The following HELB variants were observed in gnomAD, a reference collection of about 807,000 sequenced individuals.
HELB encodes the protein DNA helicase B.
HELB carries 96 observed loss-of-function variants against 101.7 expected under a neutral mutation model. That is an observed-to-expected ratio of 0.94 (90% CI 0.80 to 1.12). The LOEUF (loss-of-function observed/expected upper bound fraction) is 1.12, where lower values mean the gene tolerates loss of function less well. Among genes scored for constraint, HELB ranks in the 50% most tolerant of loss-of-function variants. The pLI is 0.00. For synonymous variants in HELB, 437 were observed against 459.7 expected (o/e 0.95, Z 0.63); for missense variants, 1,210 against 1,291.9 (o/e 0.94, Z 0.97).
intron 12 of HELB, among the ~76,000 whole-genome samples, chr12:66,335,088 G>T (rs2053852359): frequency 6.6e-6 from 1 of 152,210 alleles, no homozygotes; most frequent in South Asian, 2.1e-4. Context: ...GGAAAGATGT[G>T]AGGAGAACTC....
In HELB at chr12:66,318,733, T is replaced by C; in HGVS notation, c.2096T>C (p.Phe699Ser). 2 of 1,611,638 alleles carry C rather than the reference T, an allele frequency of 1.2e-6. No individual in the cohort carries two copies. Among genetic ancestry groups the C allele is most frequent in the African/African-American group, 1.3e-5 (1 of 74,930 alleles). ...PISIQDKTFI[F>S]VRLPEEDASS... ...TCAATTCAAGATAAGACATTTATTT[T>C]TGTCAGGCTCCCAGAAGAGGATGCC... Residue 699 changes from phenylalanine to serine, a missense_variant, in exon 7 of 13, where the codon TTT (phenylalanine) becomes TCT (serine). Coordinates refer to ENST00000247815, the MANE Select transcript of HELB (RefSeq NM_001370285.1).
At chr12:66,340,601 T>G (rs1481956521), downstream of HELB, 2 of 57,018 alleles carry the variant, frequency 3.5e-5, no homozygotes, top group African/African-American at 8.0e-5. Context: ...TAATAGGATA[T>G]ATATATGTGG....
intron 11 of HELB, among the ~76,000 whole-genome samples, chr12:66,330,705 C>G (rs2053795626): frequency 1.4e-5 from 2 of 147,756 alleles, no homozygotes; most frequent in African/African-American, 4.9e-5. Context: ...CTTAAAATTT[C>G]TATATTTTAT....
intron 3 of HELB, among the ~76,000 whole-genome samples, chr12:66,308,585 C>T (rs111329262): frequency 1.3e-5 from 2 of 152,314 alleles, no homozygotes; most frequent in African/African-American, 4.8e-5. Flanking sequence ...GGCTACAAGT[C>T]TGAGATCAAG....
chr12:66,323,936 C>T (rs7957877), intron 9 of HELB, 47 bp from the exon 10 acceptor site: 906,561 of 1,278,774 alleles, frequency 0.71, 324,587 homozygotes, highest in Middle Eastern at 0.79. Context: ...ACAAGTGAAA[C>T]GGAGACTTTC....
chr12:66,333,972 T>TCTCA (rs1250794914), intron 12 of HELB, among the ~76,000 whole-genome samples: 3 of 144,008 alleles, frequency 2.1e-5, no homozygotes, highest in Non-Finnish European at 4.6e-5. Flanking sequence ...CCAGCCTGGG[T>TCTCA]AATATGGTGA....
Position 66,331,626 on chromosome 12 carries a change from G to A in HELB, c.3143G>A (p.Ser1048Asn). 6.3e-7 allele frequency: 1 copy of A among 1,598,744 alleles called. No individual in the cohort carries two copies. The highest frequency in any genetic ancestry group is 8.5e-7 in the Non-Finnish European group (1 of 1,176,496). ...ACCTGTGGTGTGAATGATGATGAAA[G>A]TCCAAGCAAAATTTTTATGGTAGGA... ...KRTCGVNDDE[S>N]PSKIFMVGES... Residue 1048 changes from serine to asparagine, a missense_variant, in exon 12 of 13, where the codon AGT becomes AAT. This residue lies in a region of HELB where 740 missense variants were observed against 728.8 expected (regional missense o/e 1.02). Transcript: ENST00000247815.
Position 66,304,808 on chromosome 12 carries a change from G to A in HELB, c.265G>A (p.Val89Met), listed in dbSNP as rs757663918. 1 of 1,614,096 alleles carries A rather than the reference G, an allele frequency of 6.2e-7. No individual in the cohort carries two copies. The highest frequency in any genetic ancestry group is 8.5e-7 in the Non-Finnish European group (1 of 1,179,972). Residue 89 changes from valine to methionine, a missense_variant, in exon 2 of 13, where the codon GTG (valine) becomes ATG (methionine). Around this residue, in one of 2 missense-constraint regions of HELB, gnomAD observed 470 missense variants for 563.1 expected, o/e 0.83. Coordinates refer to ENST00000247815, the MANE Select transcript of HELB (RefSeq NM_001370285.1). ...TCCGATAACAGGTGCTTGGTGGAGA[G>A]TGAAGGTACAAGTAAAGCCTGTGGT... ...RFPITGAWWR[V>M]KVQVKPVVGS... is the part of the protein sequence containing the mutation.
chr12:66,322,580 AAAG>A, intron 8 of HELB, 141 bp from the exon 9 acceptor site: 5 of 441,512 alleles, frequency 1.1e-5, no homozygotes, highest in Non-Finnish European at 8.1e-6. Flanking sequence ...AAAAAAAAAA[AAAG>A]ATAAAAAGTA....
chr12:66,308,240 G>A (rs1227904373), intron 3 of HELB, among the ~76,000 whole-genome samples: 8 of 152,200 alleles, frequency 5.3e-5, no homozygotes, highest in African/African-American at 9.6e-5. Flanking sequence ...TCAACTGAGA[G>A]CATCCAGGCT....
intron 12 of HELB, among the ~76,000 whole-genome samples, chr12:66,335,902 C>T (rs1197549595): frequency 6.6e-6 from 1 of 152,148 alleles, no homozygotes; most frequent in Non-Finnish European, 1.5e-5. Flanking sequence ...AGCTCAGTTT[C>T]TGTGTTGTTC....
chr12:66,316,038 A>C (rs868396980), intron 6 of HELB, among the ~76,000 whole-genome samples: 2 of 152,332 alleles, frequency 1.3e-5, no homozygotes, highest in Middle Eastern at 6.8e-3. Context: ...GTGGTGCCAT[A>C]AGATTATAAA....
chr12:66,322,170 A>G lies in HELB; in HGVS notation c.2237+141A>G, dbSNP rs946157027. On this transcript the variant is annotated intron_variant, in intron 8 of 12. Coordinates refer to ENST00000247815, the MANE Select transcript of HELB (RefSeq NM_001370285.1). ...TCTTATTTTGGGGTATGTCTTTGTT[A>G]GACATGGCAGAGGGCGCTTTCTAAA... 2.8e-5 allele frequency: 15 copies of G among 526,970 alleles called. No individual in the cohort carries two copies. The African/African-American group carries it at 2.9e-4, about 10-fold the overall frequency. 32.6% of individuals were successfully genotyped at this position (526,970 alleles called of 1,614,324 possible).
chr12:66,305,879 T>A (rs1042955107), intron 2 of HELB, among the ~76,000 whole-genome samples: 1 of 152,230 alleles, frequency 6.6e-6, no homozygotes, highest in African/African-American at 2.4e-5. Flanking sequence ...TGATTTGTTA[T>A]CTGGATATTC....
rs756362186 is a variant in HELB at position 66,323,969 on chromosome 12, A to G, written c.2298-14A>G. 5 of 1,561,278 alleles carry G rather than the reference A, an allele frequency of 3.2e-6. No homozygotes were observed. Among genetic ancestry groups the G allele is most frequent in the Non-Finnish European group, 4.4e-6 (5 of 1,133,662 alleles). ...TTCCAAACTTTGATTATATATTATC[A>G]TTTTCTATCCCAGAGACCATCAGAG... On this transcript the variant is annotated splice_polypyrimidine_tract_variant and intron_variant, in intron 9 of 12. Transcript: ENST00000247815.
intron 11 of HELB, among the ~76,000 whole-genome samples, chr12:66,326,435 G>T (rs2053738453): frequency 6.6e-6 from 1 of 151,810 alleles, no homozygotes; most frequent in Admixed American, 6.6e-5. Flanking sequence ...TAGAGACGGG[G>T]TTTCACCATG....
At chr12:66,322,626 A>T (rs1185140383) in intron 8 of HELB, 98 bp from the exon 9 acceptor site, 1 of 667,396 alleles carries the variant, frequency 1.5e-6, no homozygotes, top group Non-Finnish European at 2.5e-6. Flanking sequence ...AAGTCTTGGA[A>T]ACGTTTTGTA....
In HELB at chr12:66,338,027, C is replaced by T. The variant is rs774229385; in HGVS notation, c.3189C>T (p.Ser1063=). ...FMVGESPQVS[S]RLQNLRLNNL... ...TGGGAGAATCTCCACAAGTGTCTTC[C>T]AGACTTCAGAATTTGAGACTGAATA... Residue 1063 remains serine (S), a synonymous_variant, in exon 13 of 13, where the codon TCC becomes TCT. Coordinates refer to ENST00000247815, the MANE Select transcript of HELB (RefSeq NM_001370285.1). 2 of 1,601,878 alleles carry T rather than the reference C, an allele frequency of 1.2e-6. No individual in the cohort carries two copies. The highest frequency in any genetic ancestry group is 1.7e-6 in the Non-Finnish European group (2 of 1,169,738).
At position 66,302,628 on chromosome 12, in the gene HELB, C is replaced by T. The variant is rs2053416973; in HGVS notation, c.25C>T (p.Arg9Cys). 6.2e-7 allele frequency: 1 copy of T among 1,613,838 alleles called. No homozygotes were observed. Among genetic ancestry groups the T allele is most frequent in the South Asian group, 1.1e-5 (1 of 91,084 alleles). Residue 9 changes from arginine (R) to cysteine (C), a missense_variant, in exon 1 of 13, where the codon CGC (arginine) becomes TGC (cysteine). Around this residue, in one of 2 missense-constraint regions of HELB, gnomAD observed 470 missense variants for 563.1 expected, o/e 0.83. Coordinates refer to ENST00000247815, the MANE Select transcript of HELB (RefSeq NM_001370285.1). MARSSPYL[R>C]QLQGPLLPPR... ...CATGGCCAGGTCGAGTCCGTACCTG[C>T]GCCAACTTCAGGGACCTCTGCTCCC...
Sources: allele counts gnomAD v4.1 joint callset (sites outside exome capture counted in the v4.1 genomes callset), GRCh38; gene constraint gnomAD v4.1.1; regional missense constraint gnomAD v4.1.1; transcripts MANE v1.5; gene names NCBI Gene and HGNC (gene_info 2026-07-23, HGNC 2026-07-21).